KLK14: variants seen among roughly 807,000 people sequenced by gnomAD.
KLK14 encodes kallikrein related peptidase 14, also known as kallikrein-14.
A neutral mutation model predicts 24.6 loss-of-function variants in KLK14; 21 were observed. The observed-to-expected ratio is 0.85, with a 90% confidence interval of 0.61 to 1.23. The LOEUF (loss-of-function observed/expected upper bound fraction) is 1.23. Ranked by LOEUF, KLK14 falls within the 50% of genes most tolerant of loss-of-function variation. KLK14 has a pLI of 0.00. For missense variants in KLK14, 320 were observed against 338.9 expected (o/e 0.94, Z 0.44); for synonymous variants, 133 against 139.7 (o/e 0.95, Z 0.34).
upstream of KLK14, among the ~76,000 whole-genome samples, chr19:51,083,675 A>G (rs1004188852): frequency 3.3e-5 from 5 of 151,966 alleles, no homozygotes; most frequent in Admixed American, 2.0e-4. Context: ...TGGGAAAAAA[A>G]CAAGACAGAG....
upstream of KLK14, among the ~76,000 whole-genome samples, chr19:51,083,842 A>C (rs1390950607): frequency 2.0e-5 from 3 of 152,154 alleles, no homozygotes; most frequent in East Asian, 5.8e-4. Flanking sequence ...CGCCCCCACC[A>C]TGCGGCACTC....
At position 51,078,513 on chromosome 19, in the gene KLK14, C is replaced by T. The variant is rs2091817255; in HGVS notation, c.603+302G>A. Among the ~76,000 whole-genome samples, 1 of 152,148 alleles carries T rather than the reference C, an allele frequency of 6.6e-6. No homozygotes were observed. The highest frequency in any genetic ancestry group is 1.5e-5 in the Non-Finnish European group (1 of 68,016). On this transcript the variant is annotated intron_variant, in intron 5 of 5. Coordinates refer to ENST00000650543, the MANE Select transcript of KLK14 (RefSeq NM_001369775.2). The surrounding 1 kb of genome is among the most constrained non-coding windows in gnomAD (Gnocchi z 5.0). ...TCTAGAAGCCTCAGCACAGCCTTTCCCAGACCCATATGAGCAGAGGCCACT... is the reference window on the plus strand; with the variant it reads ...TCTAGAAGCCTCAGCACAGCCTTTCTCAGACCCATATGAGCAGAGGCCACT...
At position 51,078,633 on chromosome 19, in the gene KLK14, C is replaced by T. The variant is rs546803950; in HGVS notation, c.603+182G>A. On this transcript the variant is annotated intron_variant, in intron 5 of 5. Coordinates refer to ENST00000650543, the MANE Select transcript of KLK14 (RefSeq NM_001369775.2). The surrounding 1 kb of genome is among the most constrained non-coding windows in gnomAD (Gnocchi z 5.0). ...AGATGAGGAAACTGAGGCATGAATGCTCTGAGTCCATTACCCAGGGGGCAC... is the reference window on the plus strand; with the variant it reads ...AGATGAGGAAACTGAGGCATGAATGTTCTGAGTCCATTACCCAGGGGGCAC... Among the ~76,000 whole-genome samples the T allele has an allele frequency of 6.6e-6, 1 of 152,278 alleles. No individual in the cohort carries two copies. Among genetic ancestry groups the T allele is most frequent in the South Asian group, 2.1e-4 (1 of 4,826 alleles).
In KLK14 at chr19:51,078,310, C is replaced by A; in HGVS notation, c.604-151G>T. The A allele has an allele frequency of 1.2e-6, 1 of 846,164 alleles. No individual in the cohort carries two copies. The highest frequency in any genetic ancestry group is 1.8e-5 in the South Asian group (1 of 55,926). The allele number at this position is 846,164 out of a possible 1,614,324, so 52.4% of individuals were successfully genotyped here. The stretch of plus-strand genomic sequence containing the variant: ...TCCTGCCCCAGCTCTGAGGTCTCAG[C>A]CCCGGAGGTCGGGGCACTTCCTTCC... On this transcript the variant is annotated intron_variant, in intron 5 of 5. Coordinates refer to ENST00000650543, the MANE Select transcript of KLK14 (RefSeq NM_001369775.2). This position sits in a 1 kb window ranked among gnomAD's most constrained non-coding sequence, Gnocchi z 5.0.
At chr19:51,079,090 G>A in intron 4 of KLK14, 139 bp from the exon 5 acceptor site, 1 of 816,328 alleles carries the variant, frequency 1.2e-6, no homozygotes, top group Non-Finnish European at 1.7e-6. Flanking sequence ...CAGGCCCCCA[G>A]CCCCTCCTCC....
chr19:51,080,399 C>G (rs1257151920), intron 3 of KLK14, among the ~76,000 whole-genome samples: 1 of 152,146 alleles, frequency 6.6e-6, no homozygotes, highest in African/African-American at 2.4e-5. Flanking sequence ...TGGCCCTAGC[C>G]CTTGACCTCA....
At chr19:51,083,565 C>T (rs1385645581), upstream of KLK14, among the ~76,000 whole-genome samples, 5 of 151,028 alleles carry the variant, frequency 3.3e-5, no homozygotes, top group Non-Finnish European at 5.9e-5. Flanking sequence ...TCCAGGAATA[C>T]GAGCACAGAG....
In KLK14 at chr19:51,079,744, C is replaced by T. The variant is rs371824616; in HGVS notation, c.213-42G>A. The stretch of plus-strand genomic sequence containing the variant: ...AGAGAAGCGCTGCTCAGGGTCTGAG[C>T]CAGAGACTCCTCCCCACCCTCCAGC... On this transcript the variant is annotated intron_variant, in intron 3 of 5. Transcript: ENST00000650543. 772 of 1,524,298 alleles carry T rather than the reference C, an allele frequency of 5.1e-4. 3 individuals are homozygous for T. Among genetic ancestry groups the T allele is most frequent in the Middle Eastern group, 4.2e-3 (21 of 5,056 alleles). 94.4% of individuals were successfully genotyped at this position (1,524,298 alleles called of 1,614,324 possible). A position where few individuals can be genotyped will look rare whatever the true frequency, so the allele number is the denominator to read the frequency against.
chr19:51,080,589 G>T (rs2091833801), intron 3 of KLK14, among the ~76,000 whole-genome samples: 1 of 152,172 alleles, frequency 6.6e-6, no homozygotes. Flanking sequence ...TCTTGGCTGG[G>T]GTCTGGGTTG....
intron 3 of KLK14, among the ~76,000 whole-genome samples, chr19:51,080,355 C>T (rs1364806154): frequency 6.6e-6 from 1 of 151,814 alleles, no homozygotes; most frequent in East Asian, 2.0e-4. Context: ...AGGTCTGTTT[C>T]ATATTGGATT....
At position 51,082,780 on chromosome 19, in the gene KLK14, G is replaced by A. The variant is rs778760440; in HGVS notation, c.-81C>T. On this transcript the variant is annotated 5_prime_UTR_variant, in exon 1 of 6. Coordinates refer to ENST00000650543, the MANE Select transcript of KLK14 (RefSeq NM_001369775.2). ...CAGCAGAGAGGTAGGGACCAGAGACGAGGGGGGCGGGGCCTGCAGGCTCTG... is the reference window on the plus strand; with the variant it reads ...CAGCAGAGAGGTAGGGACCAGAGACAAGGGGGGCGGGGCCTGCAGGCTCTG... 26 of 1,609,548 alleles carry A rather than the reference G, an allele frequency of 1.6e-5. No homozygotes were observed. Among genetic ancestry groups the A allele is most frequent in the East Asian group, 4.5e-5 (2 of 44,762 alleles).
At chr19:51,081,196 C>T (rs1188517931) in intron 3 of KLK14, among the ~76,000 whole-genome samples, 1 of 152,122 alleles carries the variant, frequency 6.6e-6, no homozygotes, top group African/African-American at 2.4e-5. Context: ...TGAATGTAGA[C>T]GGGGTCCTGA....
At chr19:51,083,155 G>A (rs1043396118), upstream of KLK14, among the ~76,000 whole-genome samples, 2 of 151,846 alleles carry the variant, frequency 1.3e-5, no homozygotes, top group Admixed American at 6.6e-5. Flanking sequence ...GTTCCCAGTT[G>A]CTGGAGGTGG....
downstream of KLK14, chr19:51,077,842 G>A: frequency 5.8e-6 from 3 of 517,794 alleles, no homozygotes; most frequent in Admixed American, 1.2e-4. Context: ...CTGGGTCTGA[G>A]GGAGGAGGGG....
chr19:51,081,131 G>A (rs1335994261), intron 3 of KLK14, among the ~76,000 whole-genome samples: 1 of 152,196 alleles, frequency 6.6e-6, no homozygotes, highest in Non-Finnish European at 1.5e-5. Flanking sequence ...TGGATTTATG[G>A]CTAGACTGCA....
At chr19:51,082,148 A>C (rs968347986) in intron 2 of KLK14, among the ~76,000 whole-genome samples, 9 of 145,172 alleles carry the variant, frequency 6.2e-5, no homozygotes, top group Admixed American at 4.8e-4. Context: ...ACTTGCCCCC[A>C]TCCACCTCAC....
chr19:51,079,750 A>G, intron 3 of KLK14, 48 bp from the exon 4 acceptor site: 1 of 1,509,138 alleles, frequency 6.6e-7, no homozygotes, highest in Non-Finnish European at 8.9e-7. Flanking sequence ...TGAGCCAGAG[A>G]CTCCTCCCCA....
upstream of KLK14, among the ~76,000 whole-genome samples, chr19:51,083,456 A>G (rs2091853618): frequency 6.8e-6 from 1 of 146,530 alleles, no homozygotes; most frequent in African/African-American, 2.5e-5. Flanking sequence ...GAGAGAGAGA[A>G]AGAGAGAGAC....
At chr19:51,081,961 G>A (rs1332469496) in intron 2 of KLK14, among the ~76,000 whole-genome samples, 3 of 152,018 alleles carry the variant, frequency 2.0e-5, no homozygotes, top group Non-Finnish European at 4.4e-5. Flanking sequence ...CTTATCCAGG[G>A]CCTTGCTACA....
Sources: gnomAD v4.1 joint callset for allele counts (sites outside exome capture counted in the v4.1 genomes callset) on GRCh38, gnomAD v4.1.1 for gene constraint, Gnocchi (gnomAD v3.1) non-coding constraint, MANE v1.5 for transcripts, NCBI Gene and HGNC (gene_info 2026-07-23, HGNC 2026-07-21) for gene names.